Variants in POLR3E observed in about 807,000 individuals in gnomAD.
The protein encoded by POLR3E is DNA-directed RNA polymerase III subunit RPC5.
POLR3E carries 41 observed loss-of-function variants against 96.6 expected under a neutral mutation model. That is an observed-to-expected ratio of 0.42 (90% CI 0.33 to 0.55). The LOEUF (loss-of-function observed/expected upper bound fraction) is 0.55. POLR3E is among the 20% of genes least tolerant of loss of function. POLR3E has a pLI of 0.06. For missense variants in POLR3E, 849 were observed against 952.1 expected, an observed-to-expected ratio of 0.89 and a Z score of 1.43; for synonymous variants, 396 against 383.6, an observed-to-expected ratio of 1.03 and a Z score of -0.38.
chr16:22,326,394 G>C (rs1436337233), intron 18 of POLR3E, 116 bp downstream of exon 18: 13 of 879,976 alleles, frequency 1.5e-5, no homozygotes, highest in Non-Finnish European at 2.4e-5. Flanking sequence ...GCTCTCACGT[G>C]GGCCTAGGTG....
At chr16:22,297,906 C>G (rs867546101) in intron 1 of POLR3E, among the ~76,000 whole-genome samples, 216 of 152,320 alleles carry the variant, frequency 1.4e-3, no homozygotes, top group African/African-American at 5.0e-3. Context: ...AGAAGGGGGG[C>G]CTGACCACCC....
chr16:22,305,233 G>A (rs779720490), intron 3 of POLR3E, 27 bp downstream of exon 3: 2 of 1,568,156 alleles, frequency 1.3e-6, no homozygotes, highest in Non-Finnish European at 8.8e-7. Flanking sequence ...AAGGTAAAGA[G>A]GGGAGAAGCA....
intron 14 of POLR3E, 81 bp from the exon 15 acceptor site, chr16:22,324,273 A>G (rs1598269373): frequency 3.5e-6 from 4 of 1,148,454 alleles, no homozygotes; most frequent in Non-Finnish European, 5.3e-6. Context: ...TCCAGCTCCC[A>G]GGCCTGCCAG....
At chr16:22,311,359 G>C (rs2048242581) in intron 6 of POLR3E, among the ~76,000 whole-genome samples, 1 of 150,774 alleles carries the variant, frequency 6.6e-6, no homozygotes, top group African/African-American at 2.5e-5. Flanking sequence ...AATGTCATAG[G>C]CCTTCACATT....
chr16:22,314,014 T>TG (rs1053776065), intron 7 of POLR3E, 65 bp from the exon 8 acceptor site: 27 of 1,377,302 alleles, frequency 2.0e-5, no homozygotes, highest in Non-Finnish European at 2.6e-5. Flanking sequence ...CCCTGGCGGG[T>TG]GGGGTTGAGA....
At chr16:22,316,795 G>A (rs2048364965) in intron 10 of POLR3E, 109 bp downstream of exon 10, 1 of 1,018,882 alleles carries the variant, frequency 9.8e-7, no homozygotes, top group Non-Finnish European at 1.5e-6. Flanking sequence ...GCATGAGGGT[G>A]GAGCCCATTG....
At chr16:22,308,790 G>C in intron 4 of POLR3E, 135 bp from the exon 5 acceptor site, 1 of 612,450 alleles carries the variant, frequency 1.6e-6, no homozygotes, top group Non-Finnish European at 2.9e-6. Flanking sequence ...AAGTCCAGGG[G>C]CCCTTGGGGA....
chr16:22,304,756 T>G (rs1598236749), intron 2 of POLR3E, among the ~76,000 whole-genome samples: 1 of 152,160 alleles, frequency 6.6e-6, no homozygotes, highest in Non-Finnish European at 1.5e-5. Context: ...GACAGGCTGG[T>G]CCAGGAGGGG....
chr16:22,332,668 T>C (rs1039714733), intron 20 of POLR3E, among the ~76,000 whole-genome samples: 1 of 152,208 alleles, frequency 6.6e-6, no homozygotes, highest in Admixed American at 6.5e-5. Context: ...CCCTTGAATT[T>C]TGAACTATCT....
intron 13 of POLR3E, among the ~76,000 whole-genome samples, chr16:22,321,316 T>A (rs2048467178): frequency 6.6e-6 from 1 of 152,252 alleles, no homozygotes; most frequent in African/African-American, 2.4e-5. Flanking sequence ...GTGAGCAATG[T>A]GACAAAATGT....
In POLR3E at chr16:22,328,592, G is replaced by A. The variant is rs757011518; in HGVS notation, c.1944+5G>A. 2.5e-6 allele frequency: 4 copies of A among 1,612,706 alleles called. No homozygotes were observed. Among genetic ancestry groups the A allele is most frequent in the Non-Finnish European group, 3.4e-6 (4 of 1,178,724 alleles). ...TCTGGAGACATGAGTGATCAGGTGA[G>A]GTGAACTTTGCTGCCATCTTCCCGA... On this transcript the variant is annotated splice_donor_5th_base_variant and intron_variant, in intron 19 of 20. Coordinates refer to ENST00000299853, the MANE Select transcript of POLR3E (RefSeq NM_018119.4).
At chr16:22,303,151 C>T in intron 2 of POLR3E, 147 bp downstream of exon 2, 1 of 762,086 alleles carries the variant, frequency 1.3e-6, no homozygotes, top group South Asian at 1.5e-5. Context: ...CCTCTGCTGT[C>T]CCCCAGACCC....
At position 22,328,347 on chromosome 16, in the gene POLR3E, A is replaced by G. The variant is rs898904617; in HGVS notation, c.1867-163A>G. The G allele has an allele frequency of 3.4e-5, 22 of 640,062 alleles. 1 individual carries two copies. The South Asian group carries it at 3.6e-4, about 11-fold the overall frequency. 39.6% of individuals were successfully genotyped at this position (640,062 alleles called of 1,614,324 possible). On this transcript the variant is annotated intron_variant, in intron 18 of 20. Coordinates refer to ENST00000299853, the MANE Select transcript of POLR3E (RefSeq NM_018119.4). Reference sequence around the variant, plus strand: ...CTCCCCATGGTGAGGTGAGAGGCACAGGTTTGTGGCTGCCCAAGGCCCTCA... The same window carrying G: ...CTCCCCATGGTGAGGTGAGAGGCACGGGTTTGTGGCTGCCCAAGGCCCTCA...
intron 4 of POLR3E, 28 bp from the exon 5 acceptor site, chr16:22,308,897 A>G: frequency 6.7e-7 from 1 of 1,502,924 alleles, no homozygotes; most frequent in Non-Finnish European, 9.3e-7. Context: ...GGGTCCTCAT[A>G]GCTGGTGGGG....
intron 13 of POLR3E, among the ~76,000 whole-genome samples, chr16:22,319,506 C>G (rs916044114): frequency 6.6e-6 from 1 of 151,788 alleles, no homozygotes; most frequent in Non-Finnish European, 1.5e-5. Context: ...TCACGCCATT[C>G]TCCTGCCTCA....
Position 22,333,774 on chromosome 16 carries a change from C to T in POLR3E, c.*74C>T. ...GGCGGAACCAGAAGTAGGGCCTCGA[C>T]TTGCTTCAGACGACACAGAGCAAGA... On this transcript the variant is annotated 3_prime_UTR_variant, in exon 21 of 21. Transcript: ENST00000299853. 2 of 1,011,664 alleles carry T rather than the reference C, an allele frequency of 2.0e-6. No individual in the cohort carries two copies. The highest frequency in any genetic ancestry group is 1.7e-5 in the Admixed American group (1 of 58,698). The allele number at this position is 1,011,664 out of a possible 1,614,324, so 62.7% of individuals were successfully genotyped here.
intron 16 of POLR3E, 77 bp from the exon 17 acceptor site, chr16:22,325,128 A>G: frequency 9.0e-7 from 1 of 1,114,458 alleles, no homozygotes; most frequent in East Asian, 2.4e-5. Flanking sequence ...CCTGGGGCCT[A>G]AGGGGTGGTT....
At chr16:22,317,353 G>A (rs775427509) in intron 12 of POLR3E, 147 bp downstream of exon 12, 222 of 651,728 alleles carry the variant, frequency 3.4e-4, no homozygotes, top group Non-Finnish European at 5.2e-4. Flanking sequence ...ATCCTTGTCT[G>A]GAAAGATAAC....
In POLR3E at chr16:22,330,386, T is replaced by C. The variant is rs1186137547; in HGVS notation, c.1945-1674T>C. Among the ~76,000 whole-genome samples the C allele has an allele frequency of 2.6e-5, 4 of 152,188 alleles. No individual in the cohort carries two copies. In the East Asian group the frequency reaches 7.7e-4, roughly 29 times the overall value. The stretch of plus-strand genomic sequence containing the variant: ...AAGCGTGAGCCACCACACCAGGCCT[T>C]TACCTCTTTTTAATTGGCTATCATT... On this transcript the variant is annotated intron_variant, in intron 19 of 20. Coordinates refer to ENST00000299853, the MANE Select transcript of POLR3E (RefSeq NM_018119.4).
Sources: gnomAD v4.1 joint callset for allele counts (sites outside exome capture counted in the v4.1 genomes callset) on GRCh38, gnomAD v4.1.1 for gene constraint, MANE v1.5 for transcripts, NCBI Gene and HGNC (gene_info 2026-07-23, HGNC 2026-07-21) for gene names.